EFNA2: variants seen among roughly 807,000 people sequenced by gnomAD.
EFNA2 encodes ephrin-A2.
In EFNA2, 18 loss-of-function variants were observed where a neutral mutation model predicts 19.7. The observed-to-expected ratio is 0.91, with a 90% CI of 0.63 to 1.35. The LOEUF (loss-of-function observed/expected upper bound fraction) is 1.35, where lower values mean the gene tolerates loss of function less well. Among genes scored for constraint, EFNA2 ranks in the 40% most tolerant of loss-of-function variants. The pLI, the probability that EFNA2 is intolerant of heterozygous loss-of-function variation, is 0.00. For synonymous variants in EFNA2, 187 were observed against 137.8 expected, an observed-to-expected ratio of 1.36 and a Z score of -2.50; for missense variants, 303 against 296.0, an observed-to-expected ratio of 1.02 and a Z score of -0.17.
Position 1,300,031 on chromosome 19 carries a change from C to A in EFNA2, c.*86C>A. On this transcript the variant is annotated 3_prime_UTR_variant, in exon 4 of 4. Transcript: ENST00000215368. ...GCCCTCCGGACCCGGCTGCGGCCCCCGCCTCCGAGACCAAATAGAGACGCT... is the reference window on the plus strand; with the variant it reads ...GCCCTCCGGACCCGGCTGCGGCCCCAGCCTCCGAGACCAAATAGAGACGCT... 1 of 1,462,048 alleles carries A rather than the reference C, an allele frequency of 6.8e-7. No homozygotes were observed. The allele number at this position is 1,462,048 out of a possible 1,614,324, so 90.6% of individuals were successfully genotyped here.
At chr19:1,298,054 AAG>A (rs1390311831) in intron 2 of EFNA2, among the ~76,000 whole-genome samples, 2 of 116,820 alleles carry the variant, frequency 1.7e-5, no homozygotes, top group African/African-American at 7.3e-5. Context: ...CCTGGGCGAC[AAG>A]AGCAAAGCTC....
At chr19:1,290,615 T>C (rs973084230) in intron 1 of EFNA2, among the ~76,000 whole-genome samples, 5 of 152,214 alleles carry the variant, frequency 3.3e-5, no homozygotes, top group Admixed American at 2.6e-4. Context: ...CCTGCCCCGG[T>C]GGCCGTGTGT....
Position 1,295,516 on chromosome 19 carries a change from G to C in EFNA2, c.141-29G>C. The C allele has an allele frequency of 6.5e-7, 1 of 1,528,672 alleles. No individual in the cohort carries two copies. The highest frequency in any genetic ancestry group is 8.8e-7 in the Non-Finnish European group (1 of 1,140,566). 94.7% of individuals were successfully genotyped at this position (1,528,672 alleles called of 1,614,324 possible). ...CCGTGCCCCGTTCCTCGCTCCGGGC[G>C]CTGACCTCTGGCCGCCTTGTCCCCG... is the stretch of plus-strand genomic sequence containing the variant. On this transcript the variant is annotated intron_variant, in intron 1 of 3. Coordinates refer to ENST00000215368, the MANE Select transcript of EFNA2 (RefSeq NM_001405.4). The surrounding 1 kb of genome is among the most constrained non-coding windows in gnomAD (Gnocchi z 5.8).
At chr19:1,290,979 C>T (rs2144615637) in intron 1 of EFNA2, among the ~76,000 whole-genome samples, 1 of 152,356 alleles carries the variant, frequency 6.6e-6, no homozygotes, top group Non-Finnish European at 1.5e-5. Flanking sequence ...CGGCGTGTCC[C>T]CCCAGCTCTG....
rs1242315038 is a variant in EFNA2, at chr19:1,294,063, G to C, written c.141-1482G>C. Among the ~76,000 whole-genome samples, 1 of 152,252 alleles carries C rather than the reference G, an allele frequency of 6.6e-6. No individual in the cohort carries two copies. Among genetic ancestry groups the C allele is most frequent in the Non-Finnish European group, 1.5e-5 (1 of 68,032 alleles). ...CGGGCTAGAGGCAGTGCCAGGGCCG[G>C]GATCGTAGCAGCCTGCACCCATGTG... is the stretch of plus-strand genomic sequence containing the variant. On this transcript the variant is annotated intron_variant, in intron 1 of 3. Transcript: ENST00000215368. The surrounding 1 kb of genome is among the most constrained non-coding windows in gnomAD (Gnocchi z 5.8).
At position 1,295,402 on chromosome 19, in the gene EFNA2, C is replaced by G; in HGVS notation, c.141-143C>G. On this transcript the variant is annotated intron_variant, in intron 1 of 3. Coordinates refer to ENST00000215368, the MANE Select transcript of EFNA2 (RefSeq NM_001405.4). The surrounding 1 kb of genome is among the most constrained non-coding windows in gnomAD (Gnocchi z 5.8). ...CCCTGGCGCACCCTGACCCGTCCCC[C>G]GTGCTCCTGACCCCGGCCCTCGCCG... 2 of 799,610 alleles carry G rather than the reference C, an allele frequency of 2.5e-6. No homozygotes were observed. The highest frequency in any genetic ancestry group is 3.8e-6 in the Non-Finnish European group (2 of 532,824). 49.5% of individuals were successfully genotyped at this position (799,610 alleles called of 1,614,324 possible). A position where few individuals can be genotyped will look rare whatever the true frequency, so the allele number is the denominator to read the frequency against.
At position 1,296,977 on chromosome 19, in the gene EFNA2, C is replaced by A. The variant is rs1172219238; in HGVS notation, c.454+1119C>A. ...CAACGGCAGGTGGGGAACACAGCAG[C>A]GCCAGCCGGAGTCCCAGTCCTGCTT... On this transcript the variant is annotated intron_variant, in intron 2 of 3. Transcript: ENST00000215368. This position sits in a 1 kb window ranked among gnomAD's most constrained non-coding sequence, Gnocchi z 4.4. 6.6e-6 allele frequency among the ~76,000 whole-genome samples: 1 copy of A among 152,230 alleles called. No homozygotes were observed. Among genetic ancestry groups the A allele is most frequent in the Non-Finnish European group, 1.5e-5 (1 of 68,046 alleles).
chr19:1,292,978 G>T lies in EFNA2; in HGVS notation c.141-2567G>T, dbSNP rs541026801. 8.5e-4 allele frequency among the ~76,000 whole-genome samples: 129 copies of T among 152,292 alleles called. 1 individual carries two copies. Among genetic ancestry groups the T allele is most frequent in the South Asian group, 6.2e-3 (30 of 4,826 alleles). ...TTGGGGAACCAAGAGGCCAGAGGGG[G>T]ACCTACAGGGCTGGTGCTGTGGGCA... On this transcript the variant is annotated intron_variant, in intron 1 of 3. Coordinates refer to ENST00000215368, the MANE Select transcript of EFNA2 (RefSeq NM_001405.4).
At chr19:1,290,142 C>T (rs947434304) in intron 1 of EFNA2, among the ~76,000 whole-genome samples, 1 of 151,922 alleles carries the variant, frequency 6.6e-6, no homozygotes, top group African/African-American at 2.4e-5. Context: ...GGGTGCGGCT[C>T]GGCCGATAGG....
Position 1,286,275 on chromosome 19 carries a change from G to T in EFNA2, c.107G>T (p.Arg36Leu). ...GACGCCGCCCGCGCCAACTCGGACC[G>T]CTACGCCGTCTACTGGAACCGCAGC... Reference protein sequence around the residue: ...AEDAARANSDRYAVYWNRSNP... With the variant: ...AEDAARANSDLYAVYWNRSNP... Residue 36 changes from arginine to leucine, a missense_variant, in exon 1 of 4, where the codon CGC becomes CTC. Coordinates refer to ENST00000215368, the MANE Select transcript of EFNA2 (RefSeq NM_001405.4). The surrounding 1 kb of genome is among the most constrained non-coding windows in gnomAD (Gnocchi z 5.6). 1 of 1,092,290 alleles carries T rather than the reference G, an allele frequency of 9.2e-7. No homozygotes were observed. Among genetic ancestry groups the T allele is most frequent in the Non-Finnish European group, 1.1e-6 (1 of 890,690 alleles). The allele number at this position is 1,092,290 out of a possible 1,614,324, so 67.7% of individuals were successfully genotyped here.
Position 1,300,145 on chromosome 19 carries a change from G to GCC in EFNA2, c.*208_*209dup, listed in dbSNP as rs57458168. On this transcript the variant is annotated 3_prime_UTR_variant, in exon 4 of 4. Coordinates refer to ENST00000215368, the MANE Select transcript of EFNA2 (RefSeq NM_001405.4). ...CCTCAGGGAGGGGAAACGGCCGAGA[G>GCC]CCCCCCCCCGGAGGCCCGAGGGGCC... The GCC allele has an allele frequency of 6.9e-5, 44 of 636,492 alleles. No homozygotes were observed. The highest frequency in any genetic ancestry group is 4.6e-4 in the African/African-American group (23 of 49,680). 39.4% of individuals were successfully genotyped at this position (636,492 alleles called of 1,614,324 possible). A position where few individuals can be genotyped will look rare whatever the true frequency, so the allele number is the denominator to read the frequency against.
rs1053606928 is a variant in EFNA2, at chr19:1,294,662, C to T, written c.141-883C>T. Among the ~76,000 whole-genome samples the T allele has an allele frequency of 2.0e-5, 3 of 146,998 alleles. No homozygotes were observed. In the Admixed American group the frequency reaches 2.1e-4, roughly 10 times the overall value. On this transcript the variant is annotated intron_variant, in intron 1 of 3. Coordinates refer to ENST00000215368, the MANE Select transcript of EFNA2 (RefSeq NM_001405.4). The surrounding 1 kb of genome is among the most constrained non-coding windows in gnomAD (Gnocchi z 5.8). Reference sequence around the variant, plus strand: ...TGGGCGGCAGGTGGAACTCGGCAGGCTGAGAGAGAGGGGGCGGTGGGCGGA... The same window carrying T: ...TGGGCGGCAGGTGGAACTCGGCAGGTTGAGAGAGAGGGGGCGGTGGGCGGA...
chr19:1,286,236 T>C lies in EFNA2; in HGVS notation c.68T>C (p.Phe23Ser). The change falls in exon 1 of 4, where the codon TTC (phenylalanine) becomes TCC (serine). Residue 23 changes from phenylalanine (F) to serine (S), a missense_variant. By Grantham distance (155) the Phe-to-Ser change is radical. Coordinates refer to ENST00000215368, the MANE Select transcript of EFNA2 (RefSeq NM_001405.4). This position sits in a 1 kb window ranked among gnomAD's most constrained non-coding sequence, Gnocchi z 5.6. ...LLLLPLPPPP[F>S]ARAEDAARAN... ...CTGTTACCGCTGCCGCCGCCGCCCT[T>C]CGCGCGCGCCGAGGACGCCGCCCGC... 8.9e-7 allele frequency: 1 copy of C among 1,124,922 alleles called. No individual in the cohort carries two copies. Among genetic ancestry groups the C allele is most frequent in the Non-Finnish European group, 1.1e-6 (1 of 905,730 alleles). 69.7% of individuals were successfully genotyped at this position (1,124,922 alleles called of 1,614,324 possible).
intron 1 of EFNA2, among the ~76,000 whole-genome samples, chr19:1,289,174 CAT>C (rs1297183210): frequency 6.6e-5 from 10 of 152,242 alleles, no homozygotes; most frequent in Non-Finnish European, 1.0e-4. Flanking sequence ...CGTGTTTGCA[CAT>C]GTGTCTGCGT....
rs1568858959 is a variant in EFNA2, at chr19:1,286,357, C to G, written c.140+49C>G. The G allele has an allele frequency of 4.2e-6, 4 of 962,696 alleles. No individual in the cohort carries two copies. Among genetic ancestry groups the G allele is most frequent in the Non-Finnish European group, 4.9e-6 (4 of 811,280 alleles). The allele number at this position is 962,696 out of a possible 1,614,324, so 59.6% of individuals were successfully genotyped here. A position where few individuals can be genotyped will look rare whatever the true frequency, so the allele number is the denominator to read the frequency against. ...GCGCCCGGGGACCCCCCAACGCCCC[C>G]CAAGCCGCGCCCGGCCTCGCGCCCC... On this transcript the variant is annotated intron_variant, in intron 1 of 3. Transcript: ENST00000215368. The surrounding 1 kb of genome is among the most constrained non-coding windows in gnomAD (Gnocchi z 5.6).
In EFNA2 at chr19:1,287,927, C is replaced by A. The variant is rs777353001; in HGVS notation, c.140+1619C>A. On this transcript the variant is annotated intron_variant, in intron 1 of 3. Coordinates refer to ENST00000215368, the MANE Select transcript of EFNA2 (RefSeq NM_001405.4). This position sits in a 1 kb window ranked among gnomAD's most constrained non-coding sequence, Gnocchi z 6.2. ...CACCAGGGCCGTCCTGCTGCCCCAC[C>A]TGCCACAGGGCTGTGGGCTGCGGGC... Among the ~76,000 whole-genome samples, 1 of 152,250 alleles carries A rather than the reference C, an allele frequency of 6.6e-6. No homozygotes were observed. The highest frequency in any genetic ancestry group is 1.5e-5 in the Non-Finnish European group (1 of 68,036).
rs943562778 is a variant in EFNA2, at chr19:1,300,952, AG to A, written c.*1012del. ...CGTCTATGTTTTTTCAGCCCTTCAT[AG>A]GGGGTCTTTTATTTTGGTGGGGGGG... On this transcript the variant is annotated 3_prime_UTR_variant, in exon 4 of 4. Transcript: ENST00000215368. Among the ~76,000 whole-genome samples the A allele has an allele frequency of 7.4e-5, 11 of 147,790 alleles. No homozygotes were observed. The South Asian group carries it at 2.1e-3, about 29-fold the overall frequency.
chr19:1,295,899 CG>C lies in EFNA2; in HGVS notation c.454+45del. On this transcript the variant is annotated intron_variant, in intron 2 of 3. Transcript: ENST00000215368. This position sits in a 1 kb window ranked among gnomAD's most constrained non-coding sequence, Gnocchi z 5.8. ...CCGGGGCTGCCGGGGCCCGAGTGGG[CG>C]GGGACGCGGGGGCGGGGCCAGGAAG... is the stretch of plus-strand genomic sequence containing the variant. The C allele has an allele frequency of 1.4e-6, 1 of 705,352 alleles. No individual in the cohort carries two copies. Among genetic ancestry groups the C allele is most frequent in the Non-Finnish European group, 2.0e-6 (1 of 507,396 alleles). 43.7% of individuals were successfully genotyped at this position (705,352 alleles called of 1,614,324 possible). A position where few individuals can be genotyped will look rare whatever the true frequency, so the allele number is the denominator to read the frequency against.
rs780712470 is a variant in EFNA2 at position 1,298,629 on chromosome 19, G to C, written c.520+13G>C. 6.2e-7 allele frequency: 1 copy of C among 1,613,492 alleles called. No homozygotes were observed. Among genetic ancestry groups the C allele is most frequent in the Non-Finnish European group, 8.5e-7 (1 of 1,179,824 alleles). On this transcript the variant is annotated intron_variant, in intron 3 of 3. Transcript: ENST00000215368. ...GTGCGGCCGACCAGTAAGTGCTCAG[G>C]GGGATGGGCAGGATCCAGGCCCCCA... is the stretch of plus-strand genomic sequence containing the variant.
Sources: allele counts gnomAD v4.1 joint callset (sites outside exome capture counted in the v4.1 genomes callset), GRCh38; gene constraint gnomAD v4.1.1; non-coding constraint Gnocchi (gnomAD v3.1); transcripts MANE v1.5; gene names NCBI Gene and HGNC (gene_info 2026-07-23, HGNC 2026-07-21).